TAOK3: variants seen among roughly 807,000 people sequenced by gnomAD.
TAOK3 encodes the protein serine/threonine-protein kinase TAO3.
Under a neutral mutation model 120.4 loss-of-function variants are expected in TAOK3, and 40 were observed. The ratio of observed to expected loss-of-function variants is 0.33; its 90% CI spans 0.26 to 0.43. The LOEUF (loss-of-function observed/expected upper bound fraction) is 0.43. Among genes scored for constraint, TAOK3 ranks in the 20% least tolerant of loss-of-function variants. TAOK3 has a pLI of 1.00. For missense variants in TAOK3, 821 were observed against 1,112.1 expected (o/e 0.74, Z 3.72); for synonymous variants, 355 against 387.5 (o/e 0.92, Z 0.99).
intron 1 of TAOK3, among the ~76,000 whole-genome samples, chr12:118,365,225 C>A (rs879597033): frequency 1.4e-4 from 22 of 152,082 alleles, no homozygotes; most frequent in Non-Finnish European, 2.8e-4. Flanking sequence ...ATCAGTATCT[C>A]TCTCTCTTTT....
intron 1 of TAOK3, among the ~76,000 whole-genome samples, chr12:118,356,335 T>C (rs2045393895): frequency 6.7e-6 from 1 of 148,890 alleles, no homozygotes; most frequent in Non-Finnish European, 1.5e-5. Flanking sequence ...AGTCCGGCTC[T>C]GTCGCTCAGG....
In TAOK3 at chr12:118,317,904, T is replaced by C. The variant is rs970716858; in HGVS notation, c.-193-51145A>G. Among the ~76,000 whole-genome samples, 50 of 152,164 alleles carry C rather than the reference T, an allele frequency of 3.3e-4. 1 individual carries two copies. The highest frequency in any genetic ancestry group is 8.3e-4 in the South Asian group (4 of 4,834). ...CTCAGTAATCAAAACACTGCAGTAC[T>C]GGCCTAAGGACAGACATATATAGAC... On this transcript the variant is annotated intron_variant, in intron 1 of 20. Coordinates refer to ENST00000392533, the MANE Select transcript of TAOK3 (RefSeq NM_016281.4).
chr12:118,267,071 C>T (rs572884412), intron 1 of TAOK3, among the ~76,000 whole-genome samples: 109 of 152,256 alleles, frequency 7.2e-4, no homozygotes, highest in African/African-American at 2.5e-3. Flanking sequence ...TGACAGCACG[C>T]GGTAATGCTA....
At chr12:118,252,604 C>T (rs913206598) in intron 3 of TAOK3, among the ~76,000 whole-genome samples, 1 of 151,966 alleles carries the variant, frequency 6.6e-6, no homozygotes, top group African/African-American at 2.4e-5. Flanking sequence ...ATAATAAAAA[C>T]GCTTTGTTAA....
At chr12:118,233,052 C>T (rs1038676144) in intron 9 of TAOK3, among the ~76,000 whole-genome samples, 3 of 151,980 alleles carry the variant, frequency 2.0e-5, no homozygotes, top group Non-Finnish European at 4.4e-5. Context: ...CACATATACA[C>T]CATGGAATAC....
chr12:118,207,066 C>G (rs769924749), intron 11 of TAOK3, among the ~76,000 whole-genome samples: 28 of 152,024 alleles, frequency 1.8e-4, no homozygotes, highest in Non-Finnish European at 3.7e-4. Context: ...GTGGGTCATG[C>G]CTGTAATCCC....
chr12:118,246,103 C>G, intron 3 of TAOK3: 2 of 1,293,482 alleles, frequency 1.5e-6, no homozygotes, highest in South Asian at 2.8e-5. Flanking sequence ...GACGCCGGTG[C>G]AGCGGGGGGG....
At chr12:118,198,088 T>C (rs890661491) in intron 13 of TAOK3, among the ~76,000 whole-genome samples, 1 of 152,200 alleles carries the variant, frequency 6.6e-6, no homozygotes, top group Non-Finnish European at 1.5e-5. Context: ...ATTGCTTCCA[T>C]GTCTTCCTGA....
intron 1 of TAOK3, among the ~76,000 whole-genome samples, chr12:118,352,014 C>G (rs1190767939): frequency 6.6e-6 from 1 of 151,442 alleles, no homozygotes. Flanking sequence ...GCTGGGATTA[C>G]AGGCACCCGC....
intron 1 of TAOK3, among the ~76,000 whole-genome samples, chr12:118,300,703 T>C (rs2042848797): frequency 6.7e-6 from 1 of 149,502 alleles, no homozygotes; most frequent in African/African-American, 2.6e-5. Context: ...GTCTATCACC[T>C]AACTATTTCC....
chr12:118,318,824 A>G (rs2140924386), intron 1 of TAOK3, among the ~76,000 whole-genome samples: 2 of 152,362 alleles, frequency 1.3e-5, no homozygotes, highest in Middle Eastern at 6.8e-3. Context: ...TAAGGAATCA[A>G]CCCAAGTGTC....
chr12:118,347,655 T>A (rs1273283935), intron 1 of TAOK3, among the ~76,000 whole-genome samples: 1 of 152,206 alleles, frequency 6.6e-6, no homozygotes, highest in Non-Finnish European at 1.5e-5. Context: ...TTCTGGCTTA[T>A]CCTACTTCTC....
intron 1 of TAOK3, among the ~76,000 whole-genome samples, chr12:118,338,246 C>T (rs1401524514): frequency 1.3e-5 from 2 of 152,118 alleles, no homozygotes; most frequent in Non-Finnish European, 2.9e-5. Flanking sequence ...AGAGACCCCA[C>T]CTTCACAGAT....
intron 1 of TAOK3, among the ~76,000 whole-genome samples, chr12:118,362,501 T>C (rs941542978): frequency 1.3e-5 from 2 of 151,940 alleles, no homozygotes; most frequent in African/African-American, 4.8e-5. Flanking sequence ...AAATTCGGCA[T>C]GTGAGGTGGT....
At chr12:118,218,765 C>A (rs531157115) in intron 9 of TAOK3, among the ~76,000 whole-genome samples, 10 of 152,098 alleles carry the variant, frequency 6.6e-5, no homozygotes, top group African/African-American at 2.2e-4. Flanking sequence ...GGAAGCCTGG[C>A]CAACATGGTG....
intron 1 of TAOK3, among the ~76,000 whole-genome samples, chr12:118,273,361 G>T (rs2041787879): frequency 6.6e-6 from 1 of 152,166 alleles, no homozygotes; most frequent in Non-Finnish European, 1.5e-5. Context: ...AATTAGCCAG[G>T]TGTGGTGGTA....
At chr12:118,193,469 A>G (rs1460154408) in intron 13 of TAOK3, among the ~76,000 whole-genome samples, 1 of 152,250 alleles carries the variant, frequency 6.6e-6, no homozygotes, top group Non-Finnish European at 1.5e-5. Flanking sequence ...AAACATGTGA[A>G]GCATGAGGCA....
At chr12:118,348,893 G>GGTCTCACTCTTGTTGCCCGC in intron 1 of TAOK3, among the ~76,000 whole-genome samples, 1 of 148,122 alleles carries the variant, frequency 6.8e-6, no homozygotes. Flanking sequence ...TTGTTGCCCG[G>GGTCTCACTCTTGTTGCCCGC]GTCTCACTCT....
Position 118,150,889 on chromosome 12 carries a change from AGAGT to A in TAOK3, c.*104_*107del. 1.8e-6 allele frequency: 2 copies of A among 1,119,918 alleles called. No individual in the cohort carries two copies. The highest frequency in any genetic ancestry group is 5.0e-5 in the East Asian group (2 of 40,142). 69.4% of individuals were successfully genotyped at this position (1,119,918 alleles called of 1,614,324 possible). A position where few individuals can be genotyped will look rare whatever the true frequency, so the allele number is the denominator to read the frequency against. ...ATGTCAGTAAGAGTAAGAGAGAGAG[AGAGT>A]GAGAGCAACGCCCGTTAAAATGGGG... is the stretch of plus-strand genomic sequence containing the variant. On this transcript the variant is annotated 3_prime_UTR_variant, in exon 21 of 21. Coordinates refer to ENST00000392533, the MANE Select transcript of TAOK3 (RefSeq NM_016281.4).
Sources: gnomAD v4.1 joint callset for allele counts (sites outside exome capture counted in the v4.1 genomes callset) on GRCh38, gnomAD v4.1.1 for gene constraint, MANE v1.5 for transcripts, NCBI Gene and HGNC (gene_info 2026-07-23, HGNC 2026-07-21) for gene names.